TTC29: variants seen among roughly 807,000 people sequenced by gnomAD.
The protein encoded by TTC29 is tetratricopeptide repeat protein 29.
A neutral mutation model predicts 58.1 loss-of-function variants in TTC29; 49 were observed. The observed-to-expected ratio is 0.84, with a 90% CI of 0.67 to 1.07. TTC29 has a LOEUF of 1.07. Ranked by LOEUF, TTC29 falls within the 50% of genes least tolerant of loss-of-function variation. TTC29 has a pLI of 0.00. For missense variants in TTC29, 582 were observed against 555.6 expected, an observed-to-expected ratio of 1.05 and a Z score of -0.48; for synonymous variants, 209 against 196.8, an observed-to-expected ratio of 1.06 and a Z score of -0.52.
At chr4:146,718,613 C>A (rs1185834678) in intron 11 of TTC29, among the ~76,000 whole-genome samples, 1 of 151,950 alleles carries the variant, frequency 6.6e-6, no homozygotes, top group African/African-American at 2.4e-5. Context: ...GTTATTAATC[C>A]CTTATCAGAT....
At chr4:146,898,665 C>G (rs1393587767) in intron 6 of TTC29, among the ~76,000 whole-genome samples, 1 of 152,160 alleles carries the variant, frequency 6.6e-6, no homozygotes, top group Non-Finnish European at 1.5e-5. Context: ...GGGGTTGTCA[C>G]CAATCATCTA....
chr4:146,762,358 T>C (rs1269034599), intron 11 of TTC29, among the ~76,000 whole-genome samples: 1 of 151,374 alleles, frequency 6.6e-6, no homozygotes, highest in Non-Finnish European at 1.5e-5. Context: ...TTTTTTTTTT[T>C]TTTTCCTGTG....
rs1733316771 is a variant in TTC29, at chr4:146,903,680, G to A, written c.450C>T (p.Phe150=). The A allele has an allele frequency of 6.2e-7, 1 of 1,612,392 alleles. No individual in the cohort carries two copies. Residue 150 remains phenylalanine, a synonymous_variant, in exon 6 of 13, where the codon TTC becomes TTT. Coordinates refer to ENST00000325106, the MANE Select transcript of TTC29 (RefSeq NM_031956.4). ...HNNLYALACY[F]NNSEDKWVRN... ...TTACCCACTTGTCTTCAGAATTATT[G>A]AAGTAACAGGCCAGAGCATACAAGT...
chr4:146,864,997 TGGGGC>T (rs1730475550), intron 8 of TTC29, among the ~76,000 whole-genome samples: 1 of 152,088 alleles, frequency 6.6e-6, no homozygotes, highest in South Asian at 2.1e-4. Flanking sequence ...ACTGGATAGA[TGGGGC>T]AATTGAGACT....
At position 146,732,764 on chromosome 4, in the gene TTC29, A is replaced by G. The variant is rs117943652; in HGVS notation, c.1331-25213T>C. On this transcript the variant is annotated intron_variant, in intron 11 of 12. Coordinates refer to ENST00000325106, the MANE Select transcript of TTC29 (RefSeq NM_031956.4). ...AACTAGGAGCTAAAAGCTTCAAGGAATGAATAAGGAAGACAGTGAGGCAGA... is the reference window on the plus strand; with the variant it reads ...AACTAGGAGCTAAAAGCTTCAAGGAGTGAATAAGGAAGACAGTGAGGCAGA... Among the ~76,000 whole-genome samples, 33 of 152,330 alleles carry G rather than the reference A, an allele frequency of 2.2e-4. No individual in the cohort carries two copies. The East Asian group carries it at 5.2e-3, about 24-fold the overall frequency.
chr4:146,759,643 A>G (rs1430732243), intron 11 of TTC29, among the ~76,000 whole-genome samples: 1 of 152,182 alleles, frequency 6.6e-6, no homozygotes, highest in Non-Finnish European at 1.5e-5. Flanking sequence ...ACACAAGTCA[A>G]TAAATGTGAT....
intron 11 of TTC29, among the ~76,000 whole-genome samples, chr4:146,775,787 G>A (rs1748048005): frequency 6.6e-6 from 1 of 152,128 alleles, no homozygotes; most frequent in South Asian, 2.1e-4. Context: ...TCCTGAATTT[G>A]AATGTTGGCC....
At chr4:146,716,022 T>C (rs1742904572) in intron 11 of TTC29, among the ~76,000 whole-genome samples, 1 of 152,202 alleles carries the variant, frequency 6.6e-6, no homozygotes, top group Non-Finnish European at 1.5e-5. Flanking sequence ...TGTTTTTACA[T>C]TTTAGTTTAC....
chr4:146,736,690 A>G (rs531423488), intron 11 of TTC29, among the ~76,000 whole-genome samples: 2 of 152,302 alleles, frequency 1.3e-5, no homozygotes, highest in South Asian at 4.1e-4. Flanking sequence ...AAGTAAAGCT[A>G]CCCTGATGAC....
At chr4:146,854,571 C>G (rs1228101693) in intron 8 of TTC29, among the ~76,000 whole-genome samples, 1 of 152,150 alleles carries the variant, frequency 6.6e-6, no homozygotes, top group African/African-American at 2.4e-5. Flanking sequence ...CGTCCTCACT[C>G]TTACTCCCTT....
At chr4:146,838,119 A>T (rs957779101) in intron 8 of TTC29, among the ~76,000 whole-genome samples, 1 of 152,028 alleles carries the variant, frequency 6.6e-6, no homozygotes, top group African/African-American at 2.4e-5. Context: ...GAGAAAACAG[A>T]CTATCTTCTT....
chr4:146,874,490 G>A (rs1390892027), intron 7 of TTC29, among the ~76,000 whole-genome samples: 1 of 152,064 alleles, frequency 6.6e-6, no homozygotes, highest in East Asian at 1.9e-4. Context: ...ACCCCCAGCG[G>A]ATTGTAATTT....
At chr4:146,900,611 A>C (rs1013936303) in intron 6 of TTC29, among the ~76,000 whole-genome samples, 1 of 152,226 alleles carries the variant, frequency 6.6e-6, no homozygotes, top group Admixed American at 6.5e-5. Flanking sequence ...GGGTGCATAG[A>C]TGAATGAATA....
At chr4:146,711,219 G>T (rs561428924) in intron 11 of TTC29, among the ~76,000 whole-genome samples, 1 of 152,214 alleles carries the variant, frequency 6.6e-6, no homozygotes, top group East Asian at 1.9e-4. Flanking sequence ...ATGCTCACAT[G>T]AATATACAGT....
chr4:146,913,133 C>T (rs1384100116), intron 4 of TTC29, among the ~76,000 whole-genome samples: 3 of 152,158 alleles, frequency 2.0e-5, no homozygotes, highest in Non-Finnish European at 4.4e-5. Flanking sequence ...TGTAATCTTG[C>T]TCACACAAGC....
chr4:146,930,118 T>TATATATATATATATATAC (rs1334021950), intron 4 of TTC29, among the ~76,000 whole-genome samples: 27 of 128,858 alleles, frequency 2.1e-4, no homozygotes, highest in South Asian at 8.0e-4. Context: ...TATATATATA[T>TATATATATATATATATAC]ACACACATAT....
At chr4:146,719,930 A>G (rs1743236931) in intron 11 of TTC29, among the ~76,000 whole-genome samples, 1 of 152,158 alleles carries the variant, frequency 6.6e-6, no homozygotes, top group Non-Finnish European at 1.5e-5. Flanking sequence ...CACGTAAGTG[A>G]AACTTGGTAG....
At chr4:146,821,751 T>C (rs1751846732) in intron 9 of TTC29, among the ~76,000 whole-genome samples, 1 of 152,192 alleles carries the variant, frequency 6.6e-6, no homozygotes, top group African/African-American at 2.4e-5. Flanking sequence ...TGTAAACTCC[T>C]GACCCTTGGA....
At chr4:146,824,916 T>C (rs1341690252) in intron 9 of TTC29, among the ~76,000 whole-genome samples, 3 of 152,324 alleles carry the variant, frequency 2.0e-5, no homozygotes, top group South Asian at 4.1e-4. Flanking sequence ...TCTCTGTTAG[T>C]AGTTTGTATT....
Sources: gnomAD v4.1 joint callset for allele counts (sites outside exome capture counted in the v4.1 genomes callset) on GRCh38, gnomAD v4.1.1 for gene constraint, MANE v1.5 for transcripts, NCBI Gene and HGNC (gene_info 2026-07-23, HGNC 2026-07-21) for gene names.